PIWIL3: variants seen among roughly 807,000 people sequenced by gnomAD.
PIWIL3 encodes piwi-like protein 3.
PIWIL3 carries 101 observed loss-of-function variants against 109.7 expected under a neutral mutation model. The observed-to-expected ratio is 0.92, with a 90% confidence interval of 0.78 to 1.09. PIWIL3 has a LOEUF of 1.09. PIWIL3 is among the 50% of genes least tolerant of loss of function. The pLI is 0.00. For synonymous variants in PIWIL3, 373 were observed against 376.4 expected, an observed-to-expected ratio of 0.99 and a Z score of 0.10; for missense variants, 1,031 against 1,072.6, an observed-to-expected ratio of 0.96 and a Z score of 0.54.
chr22:24,748,127 G>T (rs1244201701), intron 12 of PIWIL3, among the ~76,000 whole-genome samples: 1 of 152,182 alleles, frequency 6.6e-6, no homozygotes, highest in African/African-American at 2.4e-5. Flanking sequence ...CCTGTCATTT[G>T]CAACAAGGCT....
chr22:24,733,554 G>C (rs761801808), intron 14 of PIWIL3, among the ~76,000 whole-genome samples: 4 of 152,060 alleles, frequency 2.6e-5, no homozygotes, highest in African/African-American at 9.7e-5. Context: ...GGTGGTAGGC[G>C]CCTGTAATCC....
intron 3 of PIWIL3, 124 bp from the exon 4 acceptor site, chr22:24,758,163 T>A: frequency 8.7e-7 from 1 of 1,152,850 alleles, no homozygotes; most frequent in Non-Finnish European, 1.2e-6. Flanking sequence ...CAAAACACAT[T>A]TCCGTGATAT....
At chr22:24,743,136 C>T (rs1264170968) in intron 12 of PIWIL3, among the ~76,000 whole-genome samples, 1 of 151,730 alleles carries the variant, frequency 6.6e-6, no homozygotes, top group Non-Finnish European at 1.5e-5. Context: ...GTTCTAATGA[C>T]CAGGAAAATG....
intron 17 of PIWIL3, among the ~76,000 whole-genome samples, chr22:24,725,243 G>A (rs966694535): frequency 1.3e-5 from 2 of 152,120 alleles, no homozygotes; most frequent in Admixed American, 6.5e-5. Flanking sequence ...GTGGAGGTGG[G>A]GTCAACCTAT....
chr22:24,737,948 G>T (rs1382347899), intron 12 of PIWIL3, among the ~76,000 whole-genome samples: 1 of 152,122 alleles, frequency 6.6e-6, no homozygotes, highest in Non-Finnish European at 1.5e-5. Context: ...ATCACTTGAG[G>T]TCAGGAGGTC....
At chr22:24,729,016 G>T (rs1923167644) in intron 14 of PIWIL3, among the ~76,000 whole-genome samples, 1 of 152,162 alleles carries the variant, frequency 6.6e-6, no homozygotes, top group Non-Finnish European at 1.5e-5. Flanking sequence ...ACGCAGAAAT[G>T]CTTTTGTTCT....
intron 18 of PIWIL3, among the ~76,000 whole-genome samples, chr22:24,723,508 C>T (rs1922803545): frequency 6.6e-6 from 1 of 152,158 alleles, no homozygotes; most frequent in Admixed American, 6.5e-5. Context: ...TCCTACAATC[C>T]CTGCTGAGCA....
chr22:24,723,676 G>C (rs527733372), intron 18 of PIWIL3, among the ~76,000 whole-genome samples: 1 of 152,226 alleles, frequency 6.6e-6, no homozygotes, highest in East Asian at 1.9e-4. Context: ...CTATGTTCAT[G>C]GATTTCTTCT....
Position 24,735,955 on chromosome 22 carries a change from C to T in PIWIL3, c.1450-63G>A, listed in dbSNP as rs560252493. ...TTTAAAGATCAACTTATCTGAGATC[C>T]TGTACGCTGTAAATCCGTGCTATCT... is the stretch of plus-strand genomic sequence containing the variant. On this transcript the variant is annotated intron_variant, in intron 12 of 20. Transcript: ENST00000616349. 9.1e-6 allele frequency: 12 copies of T among 1,324,368 alleles called. No homozygotes were observed. The East Asian group carries it at 2.9e-4, about 32-fold the overall frequency. The allele number at this position is 1,324,368 out of a possible 1,614,324, so 82.0% of individuals were successfully genotyped here.
rs935243880 is a variant in PIWIL3 at position 24,774,365 on chromosome 22, C to T, written c.-66G>A. The T allele has an allele frequency of 3.3e-5, 5 of 152,216 alleles. No homozygotes were observed. Among genetic ancestry groups the T allele is most frequent in the African/African-American group, 1.2e-4 (5 of 41,436 alleles). The allele number at this position is 152,216 out of a possible 1,614,324, so 9.4% of individuals were successfully genotyped here. On this transcript the variant is annotated 5_prime_UTR_variant, in exon 1 of 21. Coordinates refer to ENST00000616349, the MANE Select transcript of PIWIL3 (RefSeq NM_001255975.1). ...CCTTAGAAGCTTCAGTAGTCAGATC[C>T]TGATACGAACCATGCACCTCCTCCA... is the stretch of plus-strand genomic sequence containing the variant.
chr22:24,741,086 G>T (rs1028587145), intron 12 of PIWIL3, among the ~76,000 whole-genome samples: 6 of 152,138 alleles, frequency 3.9e-5, no homozygotes, highest in Admixed American at 2.6e-4. Context: ...TTGTACCAGG[G>T]ATACAGGGAT....
intron 12 of PIWIL3, among the ~76,000 whole-genome samples, chr22:24,748,097 C>T (rs1011865794): frequency 4.9e-5 from 7 of 141,688 alleles, no homozygotes; most frequent in African/African-American, 1.3e-4. Context: ...ACTATTCAGC[C>T]GTAAAAAAAA....
chr22:24,732,919 C>T (rs1923438733), intron 14 of PIWIL3, among the ~76,000 whole-genome samples: 1 of 151,936 alleles, frequency 6.6e-6, no homozygotes, highest in Non-Finnish European at 1.5e-5. Flanking sequence ...CTGCCAAAGC[C>T]CCTTTTACTC....
chr22:24,730,271 AG>A (rs1468236876), intron 14 of PIWIL3, among the ~76,000 whole-genome samples: 2 of 148,104 alleles, frequency 1.4e-5, no homozygotes, highest in Admixed American at 6.9e-5. Context: ...AGGCTGAGGC[AG>A]GAGAATAGCT....
At chr22:24,770,678 A>AAT (rs1555914379) in intron 1 of PIWIL3, among the ~76,000 whole-genome samples, 18,834 of 142,406 alleles carry the variant, frequency 0.13, 1,495 homozygotes, top group Middle Eastern at 0.19. Flanking sequence ...AAAAAAAAAA[A>AAT]ACAAAAATTA....
chr22:24,737,248 G>C (rs377602762), intron 12 of PIWIL3, among the ~76,000 whole-genome samples: 1 of 152,172 alleles, frequency 6.6e-6, no homozygotes, highest in African/African-American at 2.4e-5. Flanking sequence ...GGATACCAGC[G>C]CAGCTACAGT....
Position 24,762,415 on chromosome 22 carries a change from C to T in PIWIL3, c.85G>A (p.Ala29Thr). The T allele has an allele frequency of 6.2e-7, 1 of 1,613,846 alleles. No homozygotes were observed. Among genetic ancestry groups the T allele is most frequent in the Non-Finnish European group, 8.5e-7 (1 of 1,179,874 alleles). ...GGGCTCACTGTAGCTGATCCAGGTG[C>T]TCTGGGTCCCCCAGGTGCCTCTTGT... Reference protein sequence around the residue: ...YQQEAPGGPRAPGSATTQEPP... With the variant: ...YQQEAPGGPRTPGSATTQEPP... The change falls in exon 2 of 21, where the codon GCA becomes ACA. Residue 29 changes from alanine (A) to threonine (T), a missense_variant. Coordinates refer to ENST00000616349, the MANE Select transcript of PIWIL3 (RefSeq NM_001255975.1).
chr22:24,756,041 G>A (rs904447069), intron 5 of PIWIL3, 136 bp from the exon 6 acceptor site: 38 of 887,558 alleles, frequency 4.3e-5, no homozygotes, highest in East Asian at 7.4e-5. Flanking sequence ...ACAAAAGTAC[G>A]TGCGTGTGGA....
intron 1 of PIWIL3, among the ~76,000 whole-genome samples, chr22:24,765,976 AT>A (rs968384314): frequency 2.0e-5 from 3 of 151,384 alleles, no homozygotes; most frequent in Non-Finnish European, 4.4e-5. Context: ...AGTATCCTCT[AT>A]TTTTATCATG....
Sources: gnomAD v4.1 joint callset for allele counts (sites outside exome capture counted in the v4.1 genomes callset) on GRCh38, gnomAD v4.1.1 for gene constraint, MANE v1.5 for transcripts, NCBI Gene and HGNC (gene_info 2026-07-23, HGNC 2026-07-21) for gene names.